L3MBTL4: variants seen among roughly 807,000 people sequenced by gnomAD.
L3MBTL4 encodes the protein lethal(3)malignant brain tumor-like protein 4.
L3MBTL4 carries 70 observed loss-of-function variants against 84.5 expected under a neutral mutation model. The ratio of observed to expected loss-of-function variants is 0.83; its 90% CI spans 0.68 to 1.01. The LOEUF is 1.01. Ranked by LOEUF, L3MBTL4 falls within the 50% of genes least tolerant of loss-of-function variation. L3MBTL4 has a pLI of 0.00. For missense variants in L3MBTL4, 715 were observed against 754.8 expected (o/e 0.95, Z 0.62); for synonymous variants, 274 against 259.8 (o/e 1.05, Z -0.52).
chr18:6,139,859 C>T (rs1012899574), intron 13 of L3MBTL4, among the ~76,000 whole-genome samples: 7 of 152,140 alleles, frequency 4.6e-5, no homozygotes, highest in Non-Finnish European at 1.0e-4. Context: ...GAGTCTGATG[C>T]CTTGGGCTTC....
chr18:6,255,454 C>G (rs1470261057), intron 5 of L3MBTL4, among the ~76,000 whole-genome samples: 1 of 152,178 alleles, frequency 6.6e-6, no homozygotes, highest in Non-Finnish European at 1.5e-5. Flanking sequence ...GCATCTGAAC[C>G]ACATCAGGAT....
chr18:6,081,599 T>G lies in L3MBTL4; in HGVS notation c.1374-648A>C, dbSNP rs2058079700. 5.9e-5 allele frequency among the ~76,000 whole-genome samples: 9 copies of G among 152,346 alleles called. 1 individual carries two copies. In the South Asian group the frequency reaches 1.9e-3, roughly 32 times the overall value. ...GAGATAATCAAGTAATTTATTTGTA[T>G]ATATTTTAATGAAATTTATATCTTG... is the stretch of plus-strand genomic sequence containing the variant. On this transcript the variant is annotated intron_variant, in intron 15 of 18. Transcript: ENST00000317931.
intron 5 of L3MBTL4, among the ~76,000 whole-genome samples, chr18:6,254,689 A>AAT (rs1428273995): frequency 6.6e-6 from 1 of 152,158 alleles, no homozygotes; most frequent in Non-Finnish European, 1.5e-5. Flanking sequence ...GCTCAACAAA[A>AAT]ATATACTTTA....
At chr18:6,142,951 G>T (rs1248655126) in intron 13 of L3MBTL4, among the ~76,000 whole-genome samples, 1 of 151,914 alleles carries the variant, frequency 6.6e-6, no homozygotes, top group African/African-American at 2.4e-5. Flanking sequence ...TAAATAAAAG[G>T]ATCTACCAGA....
At chr18:6,096,299 CT>C (rs920381484) in intron 14 of L3MBTL4, among the ~76,000 whole-genome samples, 96 of 152,286 alleles carry the variant, frequency 6.3e-4, no homozygotes, top group African/African-American at 2.3e-3. Context: ...AATCATTCAC[CT>C]ATTTCTAATT....
intron 1 of L3MBTL4, among the ~76,000 whole-genome samples, chr18:6,409,452 T>C (rs909945194): frequency 6.6e-6 from 1 of 152,162 alleles, no homozygotes; most frequent in African/African-American, 2.4e-5. Context: ...GCATCAGTGT[T>C]GGGGCTCTAT....
rs180967991 is a variant in L3MBTL4 at position 6,394,635 on chromosome 18, C to T, written c.-91+20166G>A. Among the ~76,000 whole-genome samples, 152 of 152,124 alleles carry T rather than the reference C, an allele frequency of 1.0e-3. 1 individual carries two copies. In the East Asian group the frequency reaches 0.017, roughly 17 times the overall value. ...AACATCTACAGCAATGCCTGACACA[C>T]GCCAGGCACCCAATAATTATTTGTG... On this transcript the variant is annotated intron_variant, in intron 1 of 18. Transcript: ENST00000317931.
Position 6,362,973 on chromosome 18 carries a change from C to A in L3MBTL4, c.-90-50917G>T, listed in dbSNP as rs562344537. Among the ~76,000 whole-genome samples, 4 of 152,314 alleles carry A rather than the reference C, an allele frequency of 2.6e-5. No homozygotes were observed. In the South Asian group the frequency reaches 8.3e-4, roughly 32 times the overall value. ...CGGAAAGCACTCATCTACCGTGAAC[C>A]GCAGAGGAAAGGTCTCCATTCTAAA... On this transcript the variant is annotated intron_variant, in intron 1 of 18. Coordinates refer to ENST00000317931, the MANE Select transcript of L3MBTL4 (RefSeq NM_001330559.2).
chr18:6,369,393 C>T (rs12605235), intron 1 of L3MBTL4, among the ~76,000 whole-genome samples: 23,062 of 152,146 alleles, frequency 0.15, 2,806 homozygotes, highest in African/African-American at 0.32. Flanking sequence ...GCCAGCAATG[C>T]TGTTAAACAT....
At chr18:6,358,070 T>A (rs373433924) in intron 1 of L3MBTL4, among the ~76,000 whole-genome samples, 215 of 152,220 alleles carry the variant, frequency 1.4e-3, no homozygotes, top group African/African-American at 5.0e-3. Context: ...CCCATCAAGG[T>A]GGAGAAAATC....
intron 16 of L3MBTL4, among the ~76,000 whole-genome samples, chr18:6,015,634 A>G (rs1278401920): frequency 2.0e-5 from 3 of 152,168 alleles, no homozygotes; most frequent in Non-Finnish European, 2.9e-5. Flanking sequence ...GAAATAAACT[A>G]TGGTGCTTGA....
intron 16 of L3MBTL4, chr18:6,031,406 C>T (rs1301886847): frequency 1.7e-5 from 17 of 985,240 alleles, no homozygotes; most frequent in African/African-American, 3.5e-5. Flanking sequence ...TCTTTGTGGC[C>T]GTCTAACTTC....
intron 17 of L3MBTL4, among the ~76,000 whole-genome samples, chr18:5,964,040 G>A (rs997007592): frequency 1.3e-5 from 2 of 152,210 alleles, no homozygotes; most frequent in Admixed American, 1.3e-4. Flanking sequence ...GGCAGTGCCT[G>A]GTGGCATGGG....
chr18:6,261,027 C>T (rs1367990464), intron 5 of L3MBTL4: 1 of 152,190 alleles, frequency 6.6e-6, no homozygotes, highest in East Asian at 1.9e-4. Context: ...TAGGGCAAAT[C>T]AGACGGAATA....
chr18:6,130,022 G>T (rs963490857), intron 14 of L3MBTL4, among the ~76,000 whole-genome samples: 1 of 152,058 alleles, frequency 6.6e-6, no homozygotes, highest in African/African-American at 2.4e-5. Flanking sequence ...TTCTGCCATT[G>T]TACTTCCCAA....
In L3MBTL4 at chr18:6,264,020, T is replaced by C; in HGVS notation, c.146A>G (p.Gln49Arg). The C allele has an allele frequency of 6.2e-7, 1 of 1,613,458 alleles. No homozygotes were observed. The highest frequency in any genetic ancestry group is 1.3e-5 in the African/African-American group (1 of 75,044). ...GTACCACTCCCAAGACCATGCTCCC[T>C]GTGCAGCCGCTGAAGGGACTGGAAG... ...PLSHVPSAAAQGAWSWEWYLK... is the reference protein window; with the variant it reads ...PLSHVPSAAARGAWSWEWYLK... The change falls in exon 5 of 19, where the codon CAG becomes CGG. Residue 49 changes from glutamine (Q) to arginine (R), a missense_variant. Gln to Arg is a conservative substitution (Grantham distance 43). Transcript: ENST00000317931.
In L3MBTL4 at chr18:6,006,608, T is replaced by C. The variant is rs2054498867; in HGVS notation, c.1445-37046A>G. Among the ~76,000 whole-genome samples the C allele has an allele frequency of 1.3e-5, 2 of 152,130 alleles. 1 individual carries two copies. Among genetic ancestry groups the C allele is most frequent in the South Asian group, 4.1e-4 (2 of 4,820 alleles). ...GGCAAATGACTACCCCATAACCCAA[T>C]GAGGGCCAGATGTTTTATAGGCTCA... On this transcript the variant is annotated intron_variant, in intron 16 of 18. Transcript: ENST00000317931.
At chr18:6,238,812 A>C (rs1436574646) in intron 9 of L3MBTL4, among the ~76,000 whole-genome samples, 1 of 151,852 alleles carries the variant, frequency 6.6e-6, no homozygotes, top group Non-Finnish European at 1.5e-5. Context: ...CATCAGGCAC[A>C]TAAAGAACCA....
chr18:6,351,709 C>A (rs538056844), intron 1 of L3MBTL4, among the ~76,000 whole-genome samples: 1 of 151,700 alleles, frequency 6.6e-6, no homozygotes, highest in Non-Finnish European at 1.5e-5. Context: ...CTGCCACCAC[C>A]CCCGGCTAAT....
Sources: gnomAD v4.1 joint callset for allele counts (sites outside exome capture counted in the v4.1 genomes callset) on GRCh38, gnomAD v4.1.1 for gene constraint, MANE v1.5 for transcripts, NCBI Gene and HGNC (gene_info 2026-07-23, HGNC 2026-07-21) for gene names.